PPP2R5A: variants seen among roughly 807,000 people sequenced by gnomAD.
PPP2R5A encodes serine/threonine-protein phosphatase 2A 56 kDa regulatory subunit alpha isoform.
A neutral mutation model predicts 64.2 loss-of-function variants in PPP2R5A; 25 were observed. The observed-to-expected ratio is 0.39, with a 90% CI of 0.28 to 0.54. The LOEUF is 0.54. Among genes scored for constraint, PPP2R5A ranks in the 20% least tolerant of loss-of-function variants. PPP2R5A has a pLI of 0.67. For missense variants in PPP2R5A, 425 were observed against 576.3 expected (o/e 0.74, Z 2.69); for synonymous variants, 198 against 201.2 (o/e 0.98, Z 0.13).
intron 7 of PPP2R5A, 22 bp from the exon 8 acceptor site, chr1:212,349,167 T>C: frequency 6.8e-7 from 1 of 1,461,670 alleles, no homozygotes; most frequent in African/African-American, 1.4e-5. Context: ...CTAATATTTA[T>C]AAACTGTCCC....
chr1:212,302,836 A>G (rs1001861170), intron 1 of PPP2R5A, among the ~76,000 whole-genome samples: 3 of 152,216 alleles, frequency 2.0e-5, no homozygotes, highest in Non-Finnish European at 4.4e-5. Flanking sequence ...ATGGAATATT[A>G]TAATATGTCG....
intron 1 of PPP2R5A, among the ~76,000 whole-genome samples, chr1:212,296,588 A>G (rs904444869): frequency 6.6e-6 from 1 of 152,196 alleles, no homozygotes; most frequent in Non-Finnish European, 1.5e-5. Flanking sequence ...TGTTATGTGC[A>G]TGAAGGAGAG....
At chr1:212,301,570 A>G (rs1352295191) in intron 1 of PPP2R5A, among the ~76,000 whole-genome samples, 1 of 152,236 alleles carries the variant, frequency 6.6e-6, no homozygotes, top group African/African-American at 2.4e-5. Flanking sequence ...GAACCTTAAT[A>G]AGTCATATTT....
At chr1:212,326,709 C>T (rs575556850) in intron 1 of PPP2R5A, among the ~76,000 whole-genome samples, 1 of 152,274 alleles carries the variant, frequency 6.6e-6, no homozygotes, top group East Asian at 1.9e-4. Flanking sequence ...AGACTTTAAC[C>T]TTCATAAAGC....
chr1:212,298,824 G>A (rs1196662749), intron 1 of PPP2R5A, among the ~76,000 whole-genome samples: 10 of 36,252 alleles, frequency 2.8e-4, no homozygotes, highest in East Asian at 9.0e-4. Flanking sequence ...CAGTAGGGGC[G>A]GCCGGGCAGA....
intron 1 of PPP2R5A, among the ~76,000 whole-genome samples, chr1:212,305,035 ATTTT>A (rs3070963): frequency 2.8e-5 from 3 of 107,936 alleles, no homozygotes; most frequent in African/African-American, 1.2e-4. Context: ...CCGGCCCCCA[ATTTT>A]TTTTTTTTTT....
At chr1:212,323,108 T>G (rs929276470) in intron 1 of PPP2R5A, among the ~76,000 whole-genome samples, 49 of 152,200 alleles carry the variant, frequency 3.2e-4, no homozygotes, top group Non-Finnish European at 4.4e-5. Flanking sequence ...TTAATTTTTC[T>G]GTTTATATTT....
intron 1 of PPP2R5A, among the ~76,000 whole-genome samples, chr1:212,288,651 C>T (rs1313536308): frequency 2.0e-5 from 3 of 152,084 alleles, no homozygotes; most frequent in African/African-American, 7.2e-5. Context: ...TCAATTGCTT[C>T]AATTGGAACT....
chr1:212,286,047 G>A lies in PPP2R5A; in HGVS notation c.-64G>A. ...CGCCTCTCCCCCGCCTCCTCCTGCC[G>A]TCTCCGCCGCTGCCCGTGCCTTGCA... On this transcript the variant is annotated 5_prime_UTR_variant, in exon 1 of 13. Coordinates refer to ENST00000261461, the MANE Select transcript of PPP2R5A (RefSeq NM_006243.4). The A allele has an allele frequency of 2.1e-6, 3 of 1,439,954 alleles. No homozygotes were observed. Among genetic ancestry groups the A allele is most frequent in the Non-Finnish European group, 2.7e-6 (3 of 1,099,644 alleles). 89.2% of individuals were successfully genotyped at this position (1,439,954 alleles called of 1,614,324 possible).
intron 8 of PPP2R5A, 36 bp downstream of exon 8, chr1:212,349,278 C>A: frequency 1.4e-6 from 2 of 1,451,128 alleles, no homozygotes; most frequent in South Asian, 1.3e-5. Context: ...TTTTGGTCTG[C>A]ATTAATAGCA....
At chr1:212,337,211 C>T (rs752123702) in intron 3 of PPP2R5A, among the ~76,000 whole-genome samples, 1 of 152,004 alleles carries the variant, frequency 6.6e-6, no homozygotes, top group East Asian at 1.9e-4. Context: ...CATTTCTTTC[C>T]TAAGTATTAT....
chr1:212,352,787 A>G (rs894465847), intron 8 of PPP2R5A: 6 of 518,706 alleles, frequency 1.2e-5, no homozygotes, highest in African/African-American at 1.2e-4. Context: ...AATGATCACA[A>G]AATTTATTGG....
chr1:212,357,317 C>CTTTT, intron 11 of PPP2R5A, 33 bp downstream of exon 11: 2 of 1,158,690 alleles, frequency 1.7e-6, no homozygotes, highest in Non-Finnish European at 1.2e-6. Context: ...GTATTTTTTT[C>CTTTT]TTTTTTTTTT....
At chr1:212,351,337 C>T (rs967704721) in intron 8 of PPP2R5A, among the ~76,000 whole-genome samples, 4 of 152,078 alleles carry the variant, frequency 2.6e-5, no homozygotes, top group South Asian at 2.1e-4. Context: ...ACCAAAATTA[C>T]GGCCATATTA....
chr1:212,358,140 T>G (rs927667306), intron 11 of PPP2R5A: 2 of 152,242 alleles, frequency 1.3e-5, no homozygotes, highest in African/African-American at 4.8e-5. Context: ...CCCTGGAGGT[T>G]GTGGTCAAAC....
At chr1:212,333,314 T>C (rs745711924) in intron 2 of PPP2R5A, among the ~76,000 whole-genome samples, 183 bp from the exon 3 acceptor site, 5 of 152,216 alleles carry the variant, frequency 3.3e-5, no homozygotes, top group African/African-American at 4.8e-5. Context: ...GTCAGAGTTA[T>C]TGGATAGAGA....
At chr1:212,346,354 G>A (rs971137762) in intron 5 of PPP2R5A, among the ~76,000 whole-genome samples, 25 of 151,728 alleles carry the variant, frequency 1.6e-4, no homozygotes, top group South Asian at 8.3e-4. Flanking sequence ...CTTATATGGG[G>A]CCTATCATTT....
At chr1:212,323,962 C>T (rs777265706) in intron 1 of PPP2R5A, among the ~76,000 whole-genome samples, 2 of 151,750 alleles carry the variant, frequency 1.3e-5, no homozygotes, top group African/African-American at 2.4e-5. Context: ...ATCCCAGCTA[C>T]TTGGGAGGCT....
Position 212,358,799 on chromosome 1 carries a change from T to A in PPP2R5A, c.1328+12T>A. 1.3e-6 allele frequency: 2 copies of A among 1,591,728 alleles called. No individual in the cohort carries two copies. The highest frequency in any genetic ancestry group is 1.7e-6 in the Non-Finnish European group (2 of 1,161,108). On this transcript the variant is annotated intron_variant, in intron 12 of 12. Transcript: ENST00000261461. ...GCTGAAAGACAGAGGTATTTGATATTTTGAATTACAAAATTATCTATACAT... is the reference window on the plus strand; with the variant it reads ...GCTGAAAGACAGAGGTATTTGATATATTGAATTACAAAATTATCTATACAT...
Sources: gnomAD v4.1 joint callset for allele counts (sites outside exome capture counted in the v4.1 genomes callset) on GRCh38, gnomAD v4.1.1 for gene constraint, MANE v1.5 for transcripts, NCBI Gene and HGNC (gene_info 2026-07-23, HGNC 2026-07-21) for gene names.